The following MPHOSPH10 variants were observed in gnomAD, a reference collection of about 807,000 sequenced individuals.
MPHOSPH10 encodes the protein M-phase phosphoprotein 10.
In MPHOSPH10, 33 loss-of-function variants were observed where a neutral mutation model predicts 77.3. The observed-to-expected ratio is 0.43, with a 90% confidence interval of 0.32 to 0.57. The LOEUF (loss-of-function observed/expected upper bound fraction) is 0.57. Ranked by LOEUF, MPHOSPH10 falls within the 20% of genes least tolerant of loss-of-function variation. The pLI, the probability that MPHOSPH10 is intolerant of heterozygous loss-of-function variation, is 0.07. For synonymous variants in MPHOSPH10, 245 were observed against 268.0 expected, an observed-to-expected ratio of 0.91 and a Z score of 0.84; for missense variants, 708 against 780.1, an observed-to-expected ratio of 0.91 and a Z score of 1.10.
Position 71,138,633 on chromosome 2 carries a change from T to A in MPHOSPH10, c.1240+2T>A. The A allele has an allele frequency of 6.2e-7, 1 of 1,614,110 alleles. No homozygotes were observed. The highest frequency in any genetic ancestry group is 8.5e-7 in the Non-Finnish European group (1 of 1,180,010). ...ACTTTGACCATGCTGTCCGGATGGG[T>A]ATGGTGCCCTCTTCTGTAGTTTTCA... On this transcript the variant is annotated splice_donor_variant, in intron 5 of 10. Coordinates refer to ENST00000244230, the MANE Select transcript of MPHOSPH10 (RefSeq NM_005791.3). LOFTEE classifies it high-confidence loss of function.
In MPHOSPH10 at chr2:71,133,126, TCTC is replaced by T. The variant is rs1184345141; in HGVS notation, c.320_322del (p.Leu107del). 6.2e-7 allele frequency: 1 copy of T among 1,613,936 alleles called. No individual in the cohort carries two copies. On this transcript the variant is annotated inframe_deletion, in exon 2 of 11. Transcript: ENST00000244230. ...CAATTAATGATGAAGATATCAGTCT[TCTC>T]CCAGAGAGTGAAGAACAGGAACGTG...
In MPHOSPH10 at chr2:71,133,083, A is replaced by G. The variant is rs1673418187; in HGVS notation, c.275A>G (p.Gln92Arg). ...LQNEPILQYF[Q>R]NAVSETINDE... is the part of the protein sequence containing the mutation. The stretch of plus-strand genomic sequence containing the variant: ...AATGAACCAATTTTACAATACTTTC[A>G]GAATGCAGTTAGTGAAACAATTAAT... The change falls in exon 2 of 11, where the codon CAG becomes CGG. Residue 92 changes from glutamine to arginine, a missense_variant. Around this residue, in one of 3 missense-constraint regions of MPHOSPH10, gnomAD observed 433 missense variants for 432.6 expected, o/e 1.00. Coordinates refer to ENST00000244230, the MANE Select transcript of MPHOSPH10 (RefSeq NM_005791.3). 1 of 1,614,230 alleles carries G rather than the reference A, an allele frequency of 6.2e-7. No individual in the cohort carries two copies. Among genetic ancestry groups the G allele is most frequent in the South Asian group, 1.1e-5 (1 of 91,084 alleles).
In MPHOSPH10 at chr2:71,139,748, G is replaced by T. The variant is rs528193044; in HGVS notation, c.1241-47G>T. ...GGTCCAAGGACTGCACTGAATCAAT[G>T]GTCTAGTGGATATCTACCTAATGAA... is the stretch of plus-strand genomic sequence containing the variant. On this transcript the variant is annotated intron_variant, in intron 5 of 10. Transcript: ENST00000244230. 443 of 1,357,446 alleles carry T rather than the reference G, an allele frequency of 3.3e-4. 1 individual carries two copies. The highest frequency in any genetic ancestry group is 9.5e-4 in the Middle Eastern group (4 of 4,202). The allele number at this position is 1,357,446 out of a possible 1,614,324, so 84.1% of individuals were successfully genotyped here. A position where few individuals can be genotyped will look rare whatever the true frequency, so the allele number is the denominator to read the frequency against.
Position 71,133,511 on chromosome 2 carries a change from G to T in MPHOSPH10, c.703G>T (p.Asp235Tyr). ...TAATGATGAGGAGGAGGAAGATATT[G>T]ATTTTTTTGAAGATATTGATTCTGA... Reference protein sequence around the residue: ...DDNDEEEEDIDFFEDIDSDED... With the variant: ...DDNDEEEEDIYFFEDIDSDED... The change falls in exon 2 of 11, where the codon GAT (aspartate) becomes TAT (tyrosine). Residue 235 changes from aspartate to tyrosine, a missense_variant. This residue lies in a region of MPHOSPH10 where 433 missense variants were observed against 432.6 expected (regional missense o/e 1.00). Coordinates refer to ENST00000244230, the MANE Select transcript of MPHOSPH10 (RefSeq NM_005791.3). The T allele has an allele frequency of 6.2e-7, 1 of 1,611,574 alleles. No individual in the cohort carries two copies. The highest frequency in any genetic ancestry group is 1.1e-5 in the South Asian group (1 of 90,704).
chr2:71,134,451 C>T (rs1195502340), intron 3 of MPHOSPH10, among the ~76,000 whole-genome samples, 175 bp from the exon 4 acceptor site: 6 of 151,966 alleles, frequency 3.9e-5, no homozygotes, highest in East Asian at 3.9e-4. Context: ...TCTTACATAG[C>T]GTTTTACCTA....
intron 4 of MPHOSPH10, among the ~76,000 whole-genome samples, chr2:71,136,043 G>T (rs1030030401): frequency 6.6e-6 from 1 of 152,096 alleles, no homozygotes; most frequent in Admixed American, 6.5e-5. Flanking sequence ...ACAGATTTTT[G>T]TGAGTGCCAA....
intron 10 of MPHOSPH10, 33 bp downstream of exon 10, chr2:71,149,486 G>C (rs1461877986): frequency 2.5e-6 from 4 of 1,575,230 alleles, no homozygotes; most frequent in Middle Eastern, 1.7e-4. Context: ...TGCTCAAGGG[G>C]ACCTTTGTGG....
chr2:71,132,590 A>G, intron 1 of MPHOSPH10, among the ~76,000 whole-genome samples: 1 of 152,226 alleles, frequency 6.6e-6, no homozygotes, highest in East Asian at 1.9e-4. Context: ...TAAGTGAACA[A>G]ATGAATGGAG....
intron 1 of MPHOSPH10, among the ~76,000 whole-genome samples, chr2:71,131,700 G>A (rs1490604286): frequency 6.6e-6 from 1 of 152,162 alleles, no homozygotes; most frequent in Non-Finnish European, 1.5e-5. Context: ...AGAGGAGGAC[G>A]GGGTCACAAG....
At chr2:71,145,555 C>T (rs576161129) in intron 8 of MPHOSPH10, among the ~76,000 whole-genome samples, 1 of 149,380 alleles carries the variant, frequency 6.7e-6, no homozygotes, top group East Asian at 2.1e-4. Context: ...GTTGTAATTA[C>T]ATGCAAGTAA....
intron 4 of MPHOSPH10, among the ~76,000 whole-genome samples, chr2:71,135,662 GT>G (rs1302051571): frequency 6.7e-6 from 1 of 149,866 alleles, no homozygotes; most frequent in South Asian, 2.1e-4. Flanking sequence ...TGTTTCCACT[GT>G]TTTGGAGGAT....
intron 1 of MPHOSPH10, among the ~76,000 whole-genome samples, chr2:71,132,308 TTC>T (rs1430289337): frequency 6.6e-6 from 1 of 152,192 alleles, no homozygotes; most frequent in East Asian, 1.9e-4. Flanking sequence ...AAATGACAAA[TTC>T]TTACTCCTGA....
At chr2:71,132,817 G>T (rs1558751860) in intron 1 of MPHOSPH10, 81 bp from the exon 2 acceptor site, 17 of 1,464,790 alleles carry the variant, frequency 1.2e-5, no homozygotes, top group Non-Finnish European at 1.6e-5. Context: ...TTACAAAAGA[G>T]TTGGGTTTTT....
chr2:71,136,896 G>T (rs1673503308), intron 4 of MPHOSPH10, among the ~76,000 whole-genome samples: 1 of 111,572 alleles, frequency 9.0e-6, no homozygotes, highest in Non-Finnish European at 1.7e-5. Flanking sequence ...ACCCAAACCT[G>T]ACAGAGGTAG....
At chr2:71,133,887 T>C in intron 2 of MPHOSPH10, 61 bp from the exon 3 acceptor site, 1 of 1,155,722 alleles carries the variant, frequency 8.7e-7, no homozygotes, top group Non-Finnish European at 1.2e-6. Flanking sequence ...CAAATCTATA[T>C]GCATGTGTTA....
intron 6 of MPHOSPH10, among the ~76,000 whole-genome samples, chr2:71,140,436 CTGA>C (rs1336507208): frequency 3.3e-5 from 5 of 152,156 alleles, no homozygotes; most frequent in African/African-American, 1.2e-4. Context: ...CATTCCCCCA[CTGA>C]TGATAACCCA....
chr2:71,147,016 T>G (rs1425554880), intron 8 of MPHOSPH10, among the ~76,000 whole-genome samples: 2 of 152,236 alleles, frequency 1.3e-5, no homozygotes, highest in Admixed American at 1.3e-4. Flanking sequence ...CAATTAACAT[T>G]GCATTCTTTC....
chr2:71,134,858 T>C (rs1405129382), intron 4 of MPHOSPH10, 61 bp downstream of exon 4: 3 of 1,301,252 alleles, frequency 2.3e-6, no homozygotes, highest in Admixed American at 2.2e-5. Context: ...TGAAAACTAT[T>C]AACCATCCTT....
At chr2:71,139,949 CT>C in intron 6 of MPHOSPH10, 87 bp downstream of exon 6, 1 of 950,236 alleles carries the variant, frequency 1.1e-6, no homozygotes, top group Non-Finnish European at 1.6e-6. Flanking sequence ...AGGACTATTG[CT>C]TTTTATTTTC....
Sources: allele counts gnomAD v4.1 joint callset (sites outside exome capture counted in the v4.1 genomes callset), GRCh38; gene constraint gnomAD v4.1.1; regional missense constraint gnomAD v4.1.1; transcripts MANE v1.5; gene names NCBI Gene and HGNC (gene_info 2026-07-23, HGNC 2026-07-21).